The following SH3GL3 variants were observed in gnomAD, a reference collection of about 807,000 sequenced individuals.
The protein encoded by SH3GL3 is SH3 domain containing GRB2 like 3, endophilin A3.
SH3GL3 carries 33 observed loss-of-function variants against 47.7 expected under a neutral mutation model. The observed-to-expected ratio is 0.69, with a 90% CI of 0.52 to 0.92. SH3GL3 has a LOEUF of 0.92. Among genes scored for constraint, SH3GL3 ranks in the 40% least tolerant of loss-of-function variants. The pLI, the probability that SH3GL3 is intolerant of heterozygous loss-of-function variation, is 0.00. For missense variants in SH3GL3, 363 were observed against 417.8 expected (o/e 0.87, Z 1.14); for synonymous variants, 155 against 148.8 (o/e 1.04, Z -0.30).
chr15:83,525,622 C>T (rs1481394032), intron 1 of SH3GL3, among the ~76,000 whole-genome samples: 2 of 152,084 alleles, frequency 1.3e-5, no homozygotes, highest in African/African-American at 2.4e-5. Context: ...AGTGTTTCCC[C>T]TGAGTTTTCT....
chr15:83,449,170 G>C (rs1239843851), intron 1 of SH3GL3, among the ~76,000 whole-genome samples: 3 of 152,208 alleles, frequency 2.0e-5, no homozygotes, highest in South Asian at 2.1e-4. Context: ...AGTAATTGTT[G>C]AGCAGTGACC....
chr15:83,584,216 A>G (rs944328586), intron 6 of SH3GL3, among the ~76,000 whole-genome samples: 4 of 152,112 alleles, frequency 2.6e-5, no homozygotes, highest in African/African-American at 9.7e-5. Context: ...AGCCAGCGGC[A>G]CAGCATCTTC....
intron 1 of SH3GL3, among the ~76,000 whole-genome samples, chr15:83,551,715 C>G (rs1253616177): frequency 6.6e-6 from 1 of 152,154 alleles, no homozygotes; most frequent in Non-Finnish European, 1.5e-5. Context: ...CTGTCTGCTC[C>G]TTTTCATTTA....
intron 1 of SH3GL3, among the ~76,000 whole-genome samples, chr15:83,535,616 C>T (rs187570675): frequency 6.6e-6 from 1 of 152,278 alleles, no homozygotes; most frequent in African/African-American, 2.4e-5. Context: ...AACACGGGGT[C>T]CCAGAAAGAA....
intron 1 of SH3GL3, among the ~76,000 whole-genome samples, chr15:83,537,066 T>A (rs1374334360): frequency 6.6e-6 from 1 of 152,154 alleles, no homozygotes; most frequent in African/African-American, 2.4e-5. Context: ...CTGGAAGGAC[T>A]GAGTATAGGG....
chr15:83,535,610 C>T (rs756763257), intron 1 of SH3GL3, among the ~76,000 whole-genome samples: 9 of 152,184 alleles, frequency 5.9e-5, no homozygotes, highest in Admixed American at 1.3e-4. Flanking sequence ...TCTGGGAACA[C>T]GGGGTCCCAG....
At chr15:83,460,121 G>T (rs2040219868) in intron 1 of SH3GL3, among the ~76,000 whole-genome samples, 1 of 134,282 alleles carries the variant, frequency 7.4e-6, no homozygotes, top group Admixed American at 7.5e-5. Flanking sequence ...TTCCTTCCTT[G>T]ACAGGGTCTT....
At chr15:83,616,286 T>A (rs956437207) in intron 8 of SH3GL3, among the ~76,000 whole-genome samples, 4 of 139,792 alleles carry the variant, frequency 2.9e-5, no homozygotes, top group Non-Finnish European at 4.5e-5. Flanking sequence ...GGAGTCTTGC[T>A]CTGTCCCCCA....
At chr15:83,548,745 G>A (rs1288138809) in intron 1 of SH3GL3, among the ~76,000 whole-genome samples, 1 of 152,126 alleles carries the variant, frequency 6.6e-6, no homozygotes, top group Non-Finnish European at 1.5e-5. Flanking sequence ...TGACTATAAT[G>A]TGCCTAGGTA....
At chr15:83,603,118 C>T (rs868731395) in intron 8 of SH3GL3, among the ~76,000 whole-genome samples, 1 of 151,978 alleles carries the variant, frequency 6.6e-6, no homozygotes, top group African/African-American at 2.4e-5. Flanking sequence ...TTGTGCCTCA[C>T]TCTCCTAAGT....
intron 8 of SH3GL3, among the ~76,000 whole-genome samples, chr15:83,616,404 C>T (rs549957374): frequency 1.3e-5 from 2 of 152,108 alleles, no homozygotes; most frequent in South Asian, 4.2e-4. Context: ...CAGGTGCCCG[C>T]CACCACGCCC....
chr15:83,450,804 A>ATTTTTTTT (rs34099509), intron 1 of SH3GL3, among the ~76,000 whole-genome samples: 4 of 58,784 alleles, frequency 6.8e-5, no homozygotes, highest in Non-Finnish European at 8.6e-5. Flanking sequence ...TTTTTTTTTA[A>ATTTTTTTT]TTTTTTTTTT....
chr15:83,568,517 A>G lies in SH3GL3; in HGVS notation c.188-12A>G, dbSNP rs201860695. ...GTAACTTTAAAGAATTACAAATGAC[A>G]ATGTTTTTAAGCATACAGAGCTAAG... On this transcript the variant is annotated splice_polypyrimidine_tract_variant and intron_variant, in intron 3 of 8. Coordinates refer to ENST00000427482, the MANE Select transcript of SH3GL3 (RefSeq NM_003027.5). 226 of 1,608,344 alleles carry G rather than the reference A, an allele frequency of 1.4e-4. No homozygotes were observed. The highest frequency in any genetic ancestry group is 1.6e-4 in the Middle Eastern group (1 of 6,074).
In SH3GL3 at chr15:83,617,537, G is replaced by A. The variant is rs373041339; in HGVS notation, c.839-545G>A. ...ACTAAAAATACAAAATTAGCTGGGC[G>A]TGGTGGCGCATGCCTGTAGTCCCAG... On this transcript the variant is annotated intron_variant, in intron 8 of 8. Transcript: ENST00000427482. 1.7e-3 allele frequency among the ~76,000 whole-genome samples: 265 copies of A among 152,290 alleles called. 2 individuals carry two copies. The highest frequency in any genetic ancestry group is 9.7e-3 in the South Asian group (47 of 4,832).
chr15:83,465,693 T>A (rs1168047571), intron 1 of SH3GL3, among the ~76,000 whole-genome samples: 1 of 152,136 alleles, frequency 6.6e-6, no homozygotes, highest in Non-Finnish European at 1.5e-5. Flanking sequence ...CATTTACCCT[T>A]TCTTGTCTGT....
At chr15:83,482,215 A>G (rs187105755) in intron 1 of SH3GL3, among the ~76,000 whole-genome samples, 17 of 152,284 alleles carry the variant, frequency 1.1e-4, no homozygotes, top group African/African-American at 4.1e-4. Context: ...ATTTACCTTT[A>G]TATATGAAAT....
chr15:83,496,641 T>A (rs1311617828), intron 1 of SH3GL3, among the ~76,000 whole-genome samples: 1 of 152,082 alleles, frequency 6.6e-6, no homozygotes, highest in Non-Finnish European at 1.5e-5. Flanking sequence ...TTTCCTCTCT[T>A]ATATTGACTG....
intron 1 of SH3GL3, among the ~76,000 whole-genome samples, chr15:83,508,130 C>T (rs1020573776): frequency 5.9e-5 from 9 of 151,440 alleles, no homozygotes; most frequent in Non-Finnish European, 1.3e-4. Flanking sequence ...TTAGTAGAGA[C>T]GGGGTTTCAC....
chr15:83,541,312 A>AC (rs2044146613), intron 1 of SH3GL3, among the ~76,000 whole-genome samples: 1 of 47,340 alleles, frequency 2.1e-5, no homozygotes, highest in Non-Finnish European at 4.1e-5. Flanking sequence ...TGGTAATTCT[A>AC]TTTTTTTTTT....
Sources: allele counts gnomAD v4.1 joint callset (sites outside exome capture counted in the v4.1 genomes callset), GRCh38; gene constraint gnomAD v4.1.1; transcripts MANE v1.5; gene names NCBI Gene and HGNC (gene_info 2026-07-23, HGNC 2026-07-21).